PIAS1: variants seen among roughly 807,000 people sequenced by gnomAD.
The protein encoded by PIAS1 is protein inhibitor of activated STAT 1.
A neutral mutation model predicts 71.3 loss-of-function variants in PIAS1; 6 were observed. The ratio of observed to expected loss-of-function variants is 0.08; its 90% confidence interval spans 0.05 to 0.17. PIAS1 has a LOEUF of 0.17. PIAS1 is among the 10% of genes least tolerant of loss of function. The pLI, the probability that PIAS1 is intolerant of heterozygous loss-of-function variation, is 1.00. For missense variants in PIAS1, 555 were observed against 793.6 expected, an observed-to-expected ratio of 0.70 and a Z score of 3.61; for synonymous variants, 303 against 292.9, an observed-to-expected ratio of 1.03 and a Z score of -0.35.
At position 68,191,181 on chromosome 15, in the gene PIAS1, G is replaced by T. The variant is rs2093118065; in HGVS notation, c.*3346G>T. On this transcript the variant is annotated 3_prime_UTR_variant, in exon 14 of 14. Transcript: ENST00000249636. Reference sequence around the variant, plus strand: ...GTCCCAGAGTGTGCTGCTGTTAATTGTTTAACAAAGGGGAAAATGTACATA... The same window carrying T: ...GTCCCAGAGTGTGCTGCTGTTAATTTTTTAACAAAGGGGAAAATGTACATA... 1 of 152,606 alleles carries T rather than the reference G, an allele frequency of 6.6e-6. No individual in the cohort carries two copies. The highest frequency in any genetic ancestry group is 1.5e-5 in the Non-Finnish European group (1 of 68,022). 9.5% of individuals were successfully genotyped at this position (152,606 alleles called of 1,614,324 possible).
At chr15:68,165,185 C>T (rs1251154310) in intron 8 of PIAS1, among the ~76,000 whole-genome samples, 1 of 151,988 alleles carries the variant, frequency 6.6e-6, no homozygotes, top group Non-Finnish European at 1.5e-5. Context: ...GCAATGGTGC[C>T]ATCTCGGCTC....
intron 8 of PIAS1, among the ~76,000 whole-genome samples, chr15:68,165,877 G>GT (rs1361321973): frequency 1.3e-5 from 2 of 152,114 alleles, no homozygotes; most frequent in Non-Finnish European, 2.9e-5. Context: ...GGACATGTCT[G>GT]TTTCCTGATT....
Position 68,075,776 on chromosome 15 carries a change from C to G in PIAS1, c.25-10530C>G, listed in dbSNP as rs2092156506. 3.5e-5 allele frequency among the ~76,000 whole-genome samples: 5 copies of G among 142,718 alleles called. No homozygotes were observed. The South Asian group carries it at 9.4e-4, about 27-fold the overall frequency. The allele number at this position is 142,718 out of a possible 152,430, so 93.6% of individuals were successfully genotyped here. A position where few individuals can be genotyped will look rare whatever the true frequency, so the allele number is the denominator to read the frequency against. ...TCTGTGTAGTTTGTAAGGAATCATT[C>G]CTAGGGCTTTTTTTTTTTTTTTTAA... On this transcript the variant is annotated intron_variant, in intron 1 of 13. Coordinates refer to ENST00000249636, the MANE Select transcript of PIAS1 (RefSeq NM_016166.3).
chr15:68,159,998 T>C (rs1480187953), intron 7 of PIAS1, among the ~76,000 whole-genome samples: 1 of 152,206 alleles, frequency 6.6e-6, no homozygotes, highest in East Asian at 1.9e-4. Flanking sequence ...ATCATCAGGC[T>C]GCTTTATTGT....
chr15:68,149,087 T>TTTTTG (rs954499913), intron 6 of PIAS1, among the ~76,000 whole-genome samples: 3 of 152,068 alleles, frequency 2.0e-5, no homozygotes, highest in Non-Finnish European at 4.4e-5. Context: ...TTTTGTTTTG[T>TTTTTG]TTTTGTTTTG....
intron 1 of PIAS1, among the ~76,000 whole-genome samples, chr15:68,083,252 A>G (rs949466797): frequency 6.6e-6 from 1 of 152,178 alleles, no homozygotes; most frequent in Non-Finnish European, 1.5e-5. Context: ...TGTTGTCAAC[A>G]CTTTTCATTG....
chr15:68,150,254 A>G (rs1045077960), intron 6 of PIAS1, among the ~76,000 whole-genome samples: 6 of 152,140 alleles, frequency 3.9e-5, no homozygotes, highest in African/African-American at 1.4e-4. Context: ...TTTTGGTGAA[A>G]TAGGAAAGAA....
At chr15:68,179,564 C>CT (rs766344324) in intron 11 of PIAS1, among the ~76,000 whole-genome samples, 505 of 40,056 alleles carry the variant, frequency 0.013, 131 homozygotes, top group African/African-American at 0.017. Flanking sequence ...GTGAAATGTT[C>CT]TTTTTTTTTT....
At chr15:68,091,223 G>A (rs2092330263) in intron 2 of PIAS1, among the ~76,000 whole-genome samples, 1 of 151,750 alleles carries the variant, frequency 6.6e-6, no homozygotes, top group Non-Finnish European at 1.5e-5. Context: ...GTCCATTCAG[G>A]GACAAGATAA....
At chr15:68,107,540 T>C (rs2092482362) in intron 2 of PIAS1, among the ~76,000 whole-genome samples, 1 of 152,238 alleles carries the variant, frequency 6.6e-6, no homozygotes, top group African/African-American at 2.4e-5. Flanking sequence ...ACCAGATATT[T>C]ATAGTCTTTG....
At position 68,097,722 on chromosome 15, in the gene PIAS1, C is replaced by T. The variant is rs567340794; in HGVS notation, c.469+10972C>T. On this transcript the variant is annotated intron_variant, in intron 2 of 13. Transcript: ENST00000249636. ...TGCTGGGATTACAGGTGTGAGCCAC[C>T]GTGCCCAGCCTGCATGTTGTAATTT... Among the ~76,000 whole-genome samples the T allele has an allele frequency of 1.5e-4, 23 of 152,248 alleles. No individual in the cohort carries two copies. The East Asian group carries it at 3.3e-3, about 22-fold the overall frequency.
intron 2 of PIAS1, among the ~76,000 whole-genome samples, chr15:68,097,443 T>C (rs1425169135): frequency 1.3e-5 from 2 of 152,104 alleles, no homozygotes; most frequent in African/African-American, 4.8e-5. Context: ...TTTATTTATT[T>C]ATTTTTGAGA....
At chr15:68,122,083 C>A (rs1459655059) in intron 2 of PIAS1, among the ~76,000 whole-genome samples, 1 of 152,084 alleles carries the variant, frequency 6.6e-6, no homozygotes, top group African/African-American at 2.4e-5. Flanking sequence ...GAGCCAAGAT[C>A]GAGCCACTGC....
chr15:68,106,351 CAAAAAAAAAAA>C (rs11313083), intron 2 of PIAS1, among the ~76,000 whole-genome samples: 12 of 92,858 alleles, frequency 1.3e-4, no homozygotes, highest in African/African-American at 2.0e-4. Context: ...ATGACCTTTG[CAAAAAAAAAAA>C]AAAAAAAAAA....
chr15:68,176,881 C>T (rs1010297613), intron 11 of PIAS1, among the ~76,000 whole-genome samples: 25 of 151,990 alleles, frequency 1.6e-4, no homozygotes, highest in African/African-American at 5.6e-4. Flanking sequence ...ATTCTAGTAC[C>T]GTGGTTCTCA....
At position 68,185,216 on chromosome 15, in the gene PIAS1, G is replaced by A. The variant is rs1470642150; in HGVS notation, c.1662+1549G>A. ...GATCCTAAGGAGGATCTTTGCCCAG[G>A]CTATTGCTGCAACTGAAAAACACCG... On this transcript the variant is annotated intron_variant, in intron 13 of 13. Transcript: ENST00000249636. The surrounding 1 kb of genome is among the most constrained non-coding windows in gnomAD (Gnocchi z 4.4). 6.6e-6 allele frequency among the ~76,000 whole-genome samples: 1 copy of A among 152,008 alleles called. No individual in the cohort carries two copies. The highest frequency in any genetic ancestry group is 2.4e-5 in the African/African-American group (1 of 41,366).
At chr15:68,112,491 T>C (rs2092530718) in intron 2 of PIAS1, among the ~76,000 whole-genome samples, 1 of 152,060 alleles carries the variant, frequency 6.6e-6, no homozygotes, top group South Asian at 2.1e-4. Flanking sequence ...GTTATCTAGG[T>C]CATCAGTGAC....
intron 2 of PIAS1, among the ~76,000 whole-genome samples, chr15:68,103,840 T>C (rs1266416387): frequency 3.3e-5 from 5 of 152,254 alleles, no homozygotes; most frequent in Admixed American, 3.3e-4. Flanking sequence ...ACATTTTGTT[T>C]ATACATTCAT....
chr15:68,141,721 AT>A (rs1459776523), intron 2 of PIAS1, among the ~76,000 whole-genome samples: 2 of 152,092 alleles, frequency 1.3e-5, no homozygotes, highest in Non-Finnish European at 2.9e-5. Context: ...TATTGTCTGA[AT>A]TTGAATCCTG....
Sources: allele counts gnomAD v4.1 joint callset (sites outside exome capture counted in the v4.1 genomes callset), GRCh38; gene constraint gnomAD v4.1.1; non-coding constraint Gnocchi (gnomAD v3.1); transcripts MANE v1.5; gene names NCBI Gene and HGNC (gene_info 2026-07-23, HGNC 2026-07-21).